CLEC2A: variants seen among roughly 807,000 people sequenced by gnomAD.
The protein encoded by CLEC2A is keratinocyte-associated C-type lectin.
CLEC2A carries 19 observed loss-of-function variants against 18.6 expected under a neutral mutation model. The observed-to-expected ratio is 1.02, with a 90% CI of 0.71 to 1.50. The LOEUF (loss-of-function observed/expected upper bound fraction) is 1.50, where lower values mean the gene tolerates loss of function less well. Ranked by LOEUF, CLEC2A falls within the 40% of genes most tolerant of loss-of-function variation. The pLI is 0.00. For missense variants in CLEC2A, 190 were observed against 207.9 expected, an observed-to-expected ratio of 0.91 and a Z score of 0.53; for synonymous variants, 74 against 64.0, an observed-to-expected ratio of 1.16 and a Z score of -0.75.
At chr12:9,924,923 A>G (rs1863243390) in intron 2 of CLEC2A, among the ~76,000 whole-genome samples, 1 of 152,218 alleles carries the variant, frequency 6.6e-6, no homozygotes, top group Non-Finnish European at 1.5e-5. Context: ...CTATACCAGA[A>G]GGAAAGCAAC....
At chr12:9,896,649 A>T (rs1467164169), downstream of CLEC2A, among the ~76,000 whole-genome samples, 2 of 152,058 alleles carry the variant, frequency 1.3e-5, no homozygotes. Context: ...ACATGTCTTT[A>T]TTCTTTAAAG....
chr12:9,891,571 A>T, the CLEC2A span, among the ~76,000 whole-genome samples: 9 of 152,200 alleles, frequency 5.9e-5, no homozygotes, highest in Non-Finnish European at 8.8e-5. Context: ...CTCTCAAATC[A>T]TAACTTGGGA....
the CLEC2A span, chr12:9,892,987 G>A: frequency 5.3e-6 from 8 of 1,499,474 alleles, no homozygotes; most frequent in Non-Finnish European, 7.2e-6. Context: ...TGGCTGTAAA[G>A]TTTAATTAAT....
chr12:9,894,917 TA>T (rs1862739719), downstream of CLEC2A, among the ~76,000 whole-genome samples: 3 of 152,302 alleles, frequency 2.0e-5, no homozygotes, highest in Admixed American at 2.0e-4. Flanking sequence ...ATATCACTTT[TA>T]AAAGCTTTTA....
the CLEC2A span, among the ~76,000 whole-genome samples, chr12:9,887,778 G>A: frequency 6.7e-6 from 1 of 149,850 alleles, no homozygotes; most frequent in East Asian, 2.0e-4. Flanking sequence ...AAGACTAGGC[G>A]TTGGAGCTCA....
chr12:9,891,210 C>A, the CLEC2A span, among the ~76,000 whole-genome samples: 3 of 152,036 alleles, frequency 2.0e-5, no homozygotes, highest in Non-Finnish European at 4.4e-5. Flanking sequence ...CTGCCTGGCC[C>A]ACGACAATGG....
chr12:9,915,747 T>C (rs998051047), intron 4 of CLEC2A, among the ~76,000 whole-genome samples: 25 of 152,158 alleles, frequency 1.6e-4, no homozygotes, highest in African/African-American at 6.0e-4. Context: ...AAACAGCTAA[T>C]GCATGTGGAG....
the CLEC2A span, among the ~76,000 whole-genome samples, chr12:9,879,104 C>G: frequency 6.6e-6 from 1 of 150,724 alleles, no homozygotes; most frequent in Non-Finnish European, 1.5e-5. Context: ...TTTTCATCCA[C>G]AGAAATCTGT....
the CLEC2A span, among the ~76,000 whole-genome samples, chr12:9,880,197 G>A: frequency 2.8e-4 from 42 of 152,328 alleles, no homozygotes; most frequent in South Asian, 4.2e-4. Flanking sequence ...GGAAGGATAA[G>A]CACTCAGAGA....
chr12:9,928,130 A>C (rs1863309258), intron 1 of CLEC2A, among the ~76,000 whole-genome samples: 1 of 152,224 alleles, frequency 6.6e-6, no homozygotes, highest in Non-Finnish European at 1.5e-5. Flanking sequence ...AAGAAGAGAA[A>C]GTACAGTGTA....
At chr12:9,895,466 A>C (rs11053499), downstream of CLEC2A, among the ~76,000 whole-genome samples, 7,192 of 152,298 alleles carry the variant, frequency 0.047, 374 homozygotes, top group East Asian at 0.27. Context: ...GAGGTAAGGA[A>C]GAAGCTGGGA....
chr12:9,913,382 GAGA>G lies in CLEC2A; in HGVS notation c.*181_*183del. 3 of 1,053,908 alleles carry G rather than the reference GAGA, an allele frequency of 2.8e-6. No homozygotes were observed. The South Asian group carries it at 5.7e-5, about 20-fold the overall frequency. 65.3% of individuals were successfully genotyped at this position (1,053,908 alleles called of 1,614,324 possible). On this transcript the variant is annotated 3_prime_UTR_variant, in exon 5 of 5. Coordinates refer to ENST00000455827, the MANE Select transcript of CLEC2A (RefSeq NM_001130711.2). ...GATTGTGCCCTTATAAAAGGCTCCA[GAGA>G]ACGGCCTTGTCTCTTTAACCATGGC... is the stretch of plus-strand genomic sequence containing the variant.
intron 4 of CLEC2A, among the ~76,000 whole-genome samples, chr12:9,916,110 T>C (rs1387274107): frequency 6.6e-6 from 1 of 151,742 alleles, no homozygotes; most frequent in African/African-American, 2.4e-5. Context: ...ATATTGCTTA[T>C]GATGAACATT....
chr12:9,891,715 G>A, the CLEC2A span, among the ~76,000 whole-genome samples: 3 of 152,012 alleles, frequency 2.0e-5, no homozygotes, highest in Admixed American at 1.3e-4. Context: ...ACTCTTGCCC[G>A]GATACAGCAT....
chr12:9,882,218 T>C, the CLEC2A span, among the ~76,000 whole-genome samples: 1 of 151,946 alleles, frequency 6.6e-6, no homozygotes, highest in Non-Finnish European at 1.5e-5. Context: ...AGCCAAGACC[T>C]AAGTTAAGAT....
At chr12:9,882,829 G>A in the CLEC2A span, among the ~76,000 whole-genome samples, 1 of 152,072 alleles carries the variant, frequency 6.6e-6, no homozygotes. Context: ...CAGACTAAAT[G>A]TATGGCTCTG....
intron 1 of CLEC2A, among the ~76,000 whole-genome samples, chr12:9,929,429 A>T (rs1398509471): frequency 6.6e-6 from 1 of 152,132 alleles, no homozygotes; most frequent in Non-Finnish European, 1.5e-5. Flanking sequence ...TTAGCAATTT[A>T]AAAAAGAATT....
At chr12:9,930,394 T>C (rs1171449385) in intron 1 of CLEC2A, among the ~76,000 whole-genome samples, 1 of 152,176 alleles carries the variant, frequency 6.6e-6, no homozygotes, top group Admixed American at 6.5e-5. Context: ...AATGTTTTAT[T>C]AAATTTTAAT....
downstream of CLEC2A, chr12:9,898,621 A>G (rs567110304): frequency 3.0e-6 from 1 of 332,946 alleles, no homozygotes; most frequent in African/African-American, 2.1e-5. Context: ...AAAACATTTC[A>G]TAATAAATGG....
Sources: allele counts gnomAD v4.1 joint callset (sites outside exome capture counted in the v4.1 genomes callset), GRCh38; gene constraint gnomAD v4.1.1; transcripts MANE v1.5; gene names NCBI Gene and HGNC (gene_info 2026-07-23, HGNC 2026-07-21).